The following LRIT3 variants were observed in gnomAD, a reference collection of about 807,000 sequenced individuals.
LRIT3 encodes leucine-rich repeat, immunoglobulin-like domain and transmembrane domain-containing protein 3.
In LRIT3, 14 loss-of-function variants were observed where a neutral mutation model predicts 22.6. The observed-to-expected ratio is 0.62, with a 90% CI of 0.41 to 0.97. The LOEUF is 0.97. LRIT3 is among the 50% of genes least tolerant of loss of function. LRIT3 has a pLI of 0.00. For missense variants in LRIT3, 783 were observed against 803.0 expected (o/e 0.98, Z 0.30); for synonymous variants, 306 against 304.5 (o/e 1.01, Z -0.05).
At position 109,867,953 on chromosome 4, in the gene LRIT3, T is replaced by C. The variant is rs377352821; in HGVS notation, c.895+7T>C. The C allele has an allele frequency of 3.9e-5, 62 of 1,602,298 alleles. No homozygotes were observed. The Middle Eastern group carries it at 8.7e-4, about 23-fold the overall frequency. On this transcript the variant is annotated splice_region_variant and intron_variant, in intron 3 of 3. Coordinates refer to ENST00000594814, the MANE Select transcript of LRIT3 (RefSeq NM_198506.5). ...TCGCCAGTTAATTATACAGGTATTTTCTTAATTCAGCCCCATGATCAAAGG... is the reference window on the plus strand; with the variant it reads ...TCGCCAGTTAATTATACAGGTATTTCCTTAATTCAGCCCCATGATCAAAGG...
rs1734716665 is a variant in LRIT3 at position 109,867,685 on chromosome 4, A to G, written c.634A>G (p.Met212Val). Residue 212 changes from methionine (M) to valine (V), a missense_variant, in exon 3 of 4, where the codon ATG becomes GTG. This residue lies in a region of LRIT3 where 756 missense variants were observed against 753.8 expected (regional missense o/e 1.00). Coordinates refer to ENST00000594814, the MANE Select transcript of LRIT3 (RefSeq NM_198506.5). ...GTTCTGTGACTGTCATATTTCCAAA[A>G]TGATTGAGTTGTCAAAGGTCGTTGA... Reference protein sequence around the residue: ...PWFCDCHISKMIELSKVVDPA... With the variant: ...PWFCDCHISKVIELSKVVDPA... 6.2e-7 allele frequency: 1 copy of G among 1,614,114 alleles called. No homozygotes were observed. Among genetic ancestry groups the G allele is most frequent in the Middle Eastern group, 1.6e-4 (1 of 6,062 alleles).
rs1291977735 is a variant in LRIT3, at chr4:109,848,119, CTGTT to C, written c.-79_-76del. 19 of 563,838 alleles carry C rather than the reference CTGTT, an allele frequency of 3.4e-5. No homozygotes were observed. Among genetic ancestry groups the C allele is most frequent in the Non-Finnish European group, 4.5e-5 (17 of 378,254 alleles). The allele number at this position is 563,838 out of a possible 1,614,324, so 34.9% of individuals were successfully genotyped here. ...CGTGTAATCTGCTGTTACTAAATGG[CTGTT>C]TGTATTCCAGGCATACCAGGTTCTG... On this transcript the variant is annotated 5_prime_UTR_variant, in exon 1 of 4. The change creates a premature stop within an existing upstream ORF in the 5' untranslated region. Transcript: ENST00000594814.
intron 2 of LRIT3, chr4:109,865,419 T>C: frequency 2.3e-6 from 2 of 887,406 alleles, no homozygotes; most frequent in East Asian, 2.5e-5. Flanking sequence ...TTTGAATGTC[T>C]ATGAACTGAC....
chr4:109,850,389 TCCTTCCTTCCTTCCTTCCTTC>T (rs1734188540), intron 1 of LRIT3, among the ~76,000 whole-genome samples: 3 of 630 alleles, frequency 4.8e-3, no homozygotes, highest in Non-Finnish European at 9.2e-3. Flanking sequence ...CTTCCTTCCT[TCCTTCCTTCCTTCCTTCCTTC>T]CTTCCTTCCT....
intron 1 of LRIT3, among the ~76,000 whole-genome samples, chr4:109,848,684 C>T (rs551766569): frequency 4.6e-5 from 7 of 152,162 alleles, no homozygotes; most frequent in East Asian, 1.9e-4. Context: ...ACAGGAGCTG[C>T]GTGACATGCT....
Position 109,869,796 on chromosome 4 carries a change from C to T in LRIT3, c.1047C>T (p.Thr349=). 6.2e-7 allele frequency: 1 copy of T among 1,613,880 alleles called. No individual in the cohort carries two copies. The highest frequency in any genetic ancestry group is 8.5e-7 in the Non-Finnish European group (1 of 1,179,798). ...AVVTVTVLGI[T]TTPIPPDTSE... ...TTACTGTGACAGTGCTTGGCATTACCACAACTCCAATACCACCAGACACTT... is the reference window on the plus strand; with the variant it reads ...TTACTGTGACAGTGCTTGGCATTACTACAACTCCAATACCACCAGACACTT... The change falls in exon 4 of 4, where the codon ACC becomes ACT. Residue 349 remains threonine (T), a synonymous_variant. Transcript: ENST00000594814.
In LRIT3 at chr4:109,871,469, A is replaced by G. The variant is rs1734831918; in HGVS notation, c.*680A>G. On this transcript the variant is annotated 3_prime_UTR_variant, in exon 4 of 4. Transcript: ENST00000594814. ...AATGGTAACTGTTGCATTTAAACAC[A>G]TCGACTGACAGATTATATGGATATT... is the stretch of plus-strand genomic sequence containing the variant. 1.3e-5 allele frequency: 2 copies of G among 152,364 alleles called. No homozygotes were observed. Among genetic ancestry groups the G allele is most frequent in the South Asian group, 4.1e-4 (2 of 4,830 alleles). The allele number at this position is 152,364 out of a possible 1,614,324, so 9.4% of individuals were successfully genotyped here.
rs1579381531 is a variant in LRIT3, at chr4:109,867,884, C to CA, written c.833_834insA (p.Gly279TrpfsTer13). On this transcript the variant is annotated frameshift_variant, in exon 3 of 4. Transcript: ENST00000594814. LOFTEE classifies it high-confidence loss of function. ...AATGTTCTACTGCGGTGTGATGCCA[C>CA]TGGCTTCCCCACCCCACAGATCACA... 7 of 1,613,982 alleles carry CA rather than the reference C, an allele frequency of 4.3e-6. No homozygotes were observed. In the East Asian group the frequency reaches 1.3e-4, roughly 31 times the overall value.
chr4:109,861,958 A>G (rs1734558292), intron 2 of LRIT3, among the ~76,000 whole-genome samples: 1 of 152,198 alleles, frequency 6.6e-6, no homozygotes, highest in African/African-American at 2.4e-5. Flanking sequence ...GCTATTATCC[A>G]TCTCAAAATA....
chr4:109,855,326 G>A (rs1382489752), intron 2 of LRIT3, among the ~76,000 whole-genome samples: 3 of 152,044 alleles, frequency 2.0e-5, no homozygotes, highest in Non-Finnish European at 2.9e-5. Context: ...GTTTATTTGT[G>A]TAGAGGTGTT....
rs765855640 is a variant in LRIT3 at position 109,870,837 on chromosome 4, G to A, written c.*48G>A. 78 of 1,513,012 alleles carry A rather than the reference G, an allele frequency of 5.2e-5. 3 individuals carry two copies. Among genetic ancestry groups the A allele is most frequent in the South Asian group, 2.3e-4 (17 of 72,466 alleles). The allele number at this position is 1,513,012 out of a possible 1,614,324, so 93.7% of individuals were successfully genotyped here. A position where few individuals can be genotyped will look rare whatever the true frequency, so the allele number is the denominator to read the frequency against. ...TGAGCTACAAAACTAGCATCTAAGG[G>A]TATAATTGACCCTAGGTTTGGATGA... On this transcript the variant is annotated 3_prime_UTR_variant, in exon 4 of 4. Coordinates refer to ENST00000594814, the MANE Select transcript of LRIT3 (RefSeq NM_198506.5).
rs1734281038 is a variant in LRIT3 at position 109,851,876 on chromosome 4, C to T, written c.489C>T (p.Asn163=). 2.6e-6 allele frequency: 4 copies of T among 1,551,664 alleles called. No individual in the cohort carries two copies. The highest frequency in any genetic ancestry group is 3.5e-6 in the Non-Finnish European group (4 of 1,146,978). The change falls in exon 2 of 4, where the codon AAC becomes AAT. Residue 163 remains asparagine (N), a synonymous_variant. Coordinates refer to ENST00000594814, the MANE Select transcript of LRIT3 (RefSeq NM_198506.5). The part of the protein sequence containing the change: ...KNLAYLDLSS[N]RLTTLPPDFL... ...TTGCCTACTTGGATTTATCAAGCAA[C>T]AGACTCACCACATTGCCACCAGATT...
chr4:109,870,001 T>C lies in LRIT3; in HGVS notation c.1252T>C (p.Ser418Pro), dbSNP rs775765889. 1.2e-6 allele frequency: 2 copies of C among 1,614,128 alleles called. No individual in the cohort carries two copies. Among genetic ancestry groups the C allele is most frequent in the South Asian group, 1.1e-5 (1 of 91,082 alleles). The stretch of plus-strand genomic sequence containing the variant: ...CTTCTCTTTATCTCCTTTCTCCTCC[T>C]CCACTGTTTCTTCAACCACAACTCT... ...ASFSLSPFSSSTVSSTTTLST... is the reference protein window; with the variant it reads ...ASFSLSPFSSPTVSSTTTLST... Residue 418 changes from serine (S) to proline (P), a missense_variant, in exon 4 of 4, where the codon TCC (serine) becomes CCC (proline). By Grantham distance (74) the Ser-to-Pro change is moderately conservative. Coordinates refer to ENST00000594814, the MANE Select transcript of LRIT3 (RefSeq NM_198506.5).
At chr4:109,848,756 CAGAA>C (rs1734137267) in intron 1 of LRIT3, among the ~76,000 whole-genome samples, 1 of 152,036 alleles carries the variant, frequency 6.6e-6, no homozygotes, top group African/African-American at 2.4e-5. Context: ...AATTGAATGG[CAGAA>C]AGAAAGATCT....
In LRIT3 at chr4:109,867,705, C is replaced by T. The variant is rs763629262; in HGVS notation, c.654C>T (p.Val218=). 8.7e-6 allele frequency: 14 copies of T among 1,614,024 alleles called. No homozygotes were observed. Among genetic ancestry groups the T allele is most frequent in the Middle Eastern group, 1.6e-4 (1 of 6,084 alleles). ...HISKMIELSK[V]VDPAIVLLDP... ...CCAAAATGATTGAGTTGTCAAAGGT[C>T]GTTGACCCTGCTATAGTGCTTCTGG... Residue 218 remains valine (V), a synonymous_variant, in exon 3 of 4, where the codon GTC becomes GTT. Transcript: ENST00000594814.
In LRIT3 at chr4:109,870,924, T is replaced by A; in HGVS notation, c.*135T>A. On this transcript the variant is annotated 3_prime_UTR_variant, in exon 4 of 4. Transcript: ENST00000594814. The stretch of plus-strand genomic sequence containing the variant: ...CAAATGGAATGCTTTTAAGTATGTT[T>A]AAAAAATACCATGAGACCTCTGAAC... 1 of 868,384 alleles carries A rather than the reference T, an allele frequency of 1.2e-6. No individual in the cohort carries two copies. Among genetic ancestry groups the A allele is most frequent in the Non-Finnish European group, 1.6e-6 (1 of 609,190 alleles). 53.8% of individuals were successfully genotyped at this position (868,384 alleles called of 1,614,324 possible). A position where few individuals can be genotyped will look rare whatever the true frequency, so the allele number is the denominator to read the frequency against.
At chr4:109,849,249 C>G (rs984768862) in intron 1 of LRIT3, among the ~76,000 whole-genome samples, 6 of 152,264 alleles carry the variant, frequency 3.9e-5, no homozygotes, top group African/African-American at 1.4e-4. Context: ...GAGATATTCA[C>G]TGGGTGGTTA....
rs1348448772 is a variant in LRIT3 at position 109,867,788 on chromosome 4, C to A, written c.737C>A (p.Ala246Asp). Residue 246 changes from alanine to aspartate, a missense_variant, in exon 3 of 4, where the codon GCT (alanine) becomes GAT (aspartate). Coordinates refer to ENST00000594814, the MANE Select transcript of LRIT3 (RefSeq NM_198506.5). ...CTCACAGGAATTTTGTTTCAGCGGG[C>A]TGAATTGGAGCATTGTCTGAAACCA... ...ERLTGILFQR[A>D]ELEHCLKPSV... is the part of the protein sequence containing the mutation. 6.2e-7 allele frequency: 1 copy of A among 1,614,184 alleles called. No individual in the cohort carries two copies. Among genetic ancestry groups the A allele is most frequent in the Non-Finnish European group, 8.5e-7 (1 of 1,180,022 alleles).
At chr4:109,850,469 T>TTCTTTTCTTTCTTTCTTTCTA (rs1734218032) in intron 1 of LRIT3, among the ~76,000 whole-genome samples, 2 of 138,058 alleles carry the variant, frequency 1.4e-5, no homozygotes, top group Non-Finnish European at 3.1e-5. Flanking sequence ...CTTTCTTTCT[T>TTCTTTTCTTTCTTTCTTTCTA]TCTTTCTTTC....
Sources: allele counts gnomAD v4.1 joint callset (sites outside exome capture counted in the v4.1 genomes callset), GRCh38; gene constraint gnomAD v4.1.1; regional missense constraint gnomAD v4.1.1; transcripts MANE v1.5; gene names NCBI Gene and HGNC (gene_info 2026-07-23, HGNC 2026-07-21).